Variants in PDS5B observed in about 807,000 individuals in gnomAD.
The protein encoded by PDS5B is PDS5 cohesin associated factor B.
In PDS5B, 51 loss-of-function variants were observed where a neutral mutation model predicts 184.1. The ratio of observed to expected loss-of-function variants is 0.28; its 90% CI spans 0.22 to 0.35. The LOEUF (loss-of-function observed/expected upper bound fraction) is 0.35. Ranked by LOEUF, PDS5B falls within the 10% of genes least tolerant of loss-of-function variation. The pLI, the probability that PDS5B is intolerant of heterozygous loss-of-function variation, is 1.00. For missense variants in PDS5B, 1,180 were observed against 1,723.3 expected (o/e 0.68, Z 5.58); for synonymous variants, 566 against 569.2 (o/e 0.99, Z 0.08).
rs759634308 is a variant in PDS5B at position 32,678,963 on chromosome 13, G to A, written c.1057+34G>A. 3.4e-5 allele frequency: 38 copies of A among 1,114,788 alleles called. No individual in the cohort carries two copies. The Admixed American group carries it at 4.2e-4, about 12-fold the overall frequency. 69.1% of individuals were successfully genotyped at this position (1,114,788 alleles called of 1,614,324 possible). A position where few individuals can be genotyped will look rare whatever the true frequency, so the allele number is the denominator to read the frequency against. ...TATATGTAACAGCAAATATTCTTAC[G>A]TGCTCTTCAGTGGAAAAAAATAAGT... On this transcript the variant is annotated intron_variant, in intron 10 of 34. Transcript: ENST00000315596.
At chr13:32,621,568 C>T (rs1173461988) in intron 1 of PDS5B, among the ~76,000 whole-genome samples, 1 of 152,218 alleles carries the variant, frequency 6.6e-6, no homozygotes, top group African/African-American at 2.4e-5. Context: ...AACAGCTCAT[C>T]AAGCCTGATG....
At chr13:32,710,831 A>G (rs1952180573) in intron 19 of PDS5B, among the ~76,000 whole-genome samples, 1 of 152,160 alleles carries the variant, frequency 6.6e-6, no homozygotes, top group Admixed American at 6.5e-5. Flanking sequence ...TTTTATATGG[A>G]GAAGAATTGC....
rs78517849 is a variant in PDS5B, at chr13:32,673,693, C to A, written c.846+337C>A. The stretch of plus-strand genomic sequence containing the variant: ...CAGTTTATAGTAGTTCCTTTGACCA[C>A]TGAGGCCATAAAAATAGTTTAGAGT... On this transcript the variant is annotated intron_variant, in intron 8 of 34. Coordinates refer to ENST00000315596, the MANE Select transcript of PDS5B (RefSeq NM_015032.4). 7.3e-3 allele frequency among the ~76,000 whole-genome samples: 1,105 copies of A among 152,286 alleles called. 11 individuals are homozygous for A. Among genetic ancestry groups the A allele is most frequent in the African/African-American group, 0.025 (1,058 of 41,564 alleles).
chr13:32,623,689 TC>T (rs1390236120), intron 1 of PDS5B, among the ~76,000 whole-genome samples: 1 of 152,134 alleles, frequency 6.6e-6, no homozygotes, highest in Non-Finnish European at 1.5e-5. Context: ...GCCCTATTTT[TC>T]CCTTTTCTTT....
rs1327531112 is a variant in PDS5B, at chr13:32,673,327, G to C, written c.817G>C (p.Val273Leu). Residue 273 changes from valine to leucine, a missense_variant, in exon 8 of 35, where the codon GTT becomes CTT. By Grantham distance (32) the Val-to-Leu change is conservative (BLOSUM62 1). Around this residue, in one of 11 missense-constraint regions of PDS5B, gnomAD observed 4 missense variants for 29.5 expected, o/e 0.14. Transcript: ENST00000315596. ...TATTGATAGTCATTTGCTGCTCTCT[G>C]TTTTACCCCAGCTTGAATTTAAATT... ...YNIDSHLLLS[V>L]LPQLEFKLKS... 2 of 1,611,782 alleles carry C rather than the reference G, an allele frequency of 1.2e-6. No homozygotes were observed.
At chr13:32,761,257 T>C (rs1407600688) in intron 30 of PDS5B, among the ~76,000 whole-genome samples, 5 of 152,240 alleles carry the variant, frequency 3.3e-5, no homozygotes, top group Admixed American at 3.3e-4. Context: ...GGTTATTTTA[T>C]ACTTTTTGGT....
In PDS5B at chr13:32,699,723, T is replaced by C. The variant is rs1428295183; in HGVS notation, c.1601-7T>C. 2 of 1,458,076 alleles carry C rather than the reference T, an allele frequency of 1.4e-6. No homozygotes were observed. The highest frequency in any genetic ancestry group is 1.8e-6 in the Non-Finnish European group (2 of 1,103,278). 90.3% of individuals were successfully genotyped at this position (1,458,076 alleles called of 1,614,324 possible). On this transcript the variant is annotated splice_region_variant and splice_polypyrimidine_tract_variant and intron_variant, in intron 15 of 34. Transcript: ENST00000315596. ...TTGATTTTAATTGAACTTTAATTTATTTTAAGGAAATTTACCTGATCCTGG... is the reference window on the plus strand; with the variant it reads ...TTGATTTTAATTGAACTTTAATTTACTTTAAGGAAATTTACCTGATCCTGG...
intron 1 of PDS5B, among the ~76,000 whole-genome samples, chr13:32,647,981 G>A (rs1002978693): frequency 1.3e-5 from 2 of 152,294 alleles, no homozygotes; most frequent in South Asian, 4.1e-4. Flanking sequence ...TATTAACCAG[G>A]GGTCTGTGAG....
intron 9 of PDS5B, among the ~76,000 whole-genome samples, chr13:32,676,932 CAAAAAAAAAAAA>C (rs4057303): frequency 4.1e-4 from 32 of 78,822 alleles, no homozygotes; most frequent in African/African-American, 1.5e-3. Flanking sequence ...CTCTTGTCTC[CAAAAAAAAAAAA>C]AAAAAAAAAA....
At chr13:32,604,626 T>G (rs1333793326) in intron 1 of PDS5B, among the ~76,000 whole-genome samples, 1 of 151,850 alleles carries the variant, frequency 6.6e-6, no homozygotes, top group East Asian at 1.9e-4. Context: ...TTCTGTTGAT[T>G]GGAATAGTTT....
intron 33 of PDS5B, among the ~76,000 whole-genome samples, chr13:32,772,354 C>A (rs1018382447): frequency 6.6e-6 from 1 of 152,118 alleles, no homozygotes; most frequent in African/African-American, 2.4e-5. Flanking sequence ...ACAAAACAGA[C>A]GTGGTACTTG....
rs183027947 is a variant in PDS5B at position 32,661,163 on chromosome 13, C to T, written c.624+1883C>T. 6.4e-3 allele frequency among the ~76,000 whole-genome samples: 969 copies of T among 151,996 alleles called. 4 individuals are homozygous for T. The highest frequency in any genetic ancestry group is 0.017 in the Middle Eastern group (5 of 294). On this transcript the variant is annotated intron_variant, in intron 6 of 34. Coordinates refer to ENST00000315596, the MANE Select transcript of PDS5B (RefSeq NM_015032.4). ...CTTTGGGAAACCAAGGTGGGTGGATCACCTGAGGCCAGGAGTTCAAGACCA... is the reference window on the plus strand; with the variant it reads ...CTTTGGGAAACCAAGGTGGGTGGATTACCTGAGGCCAGGAGTTCAAGACCA...
At chr13:32,756,707 G>A (rs1327584383) in intron 26 of PDS5B, among the ~76,000 whole-genome samples, 1 of 152,116 alleles carries the variant, frequency 6.6e-6, no homozygotes, top group Non-Finnish European at 1.5e-5. Flanking sequence ...ATTTTTAGAA[G>A]TATTTTATAG....
intron 10 of PDS5B, 71 bp from the exon 11 acceptor site, chr13:32,683,807 G>T: frequency 1.0e-6 from 1 of 983,264 alleles, no homozygotes; most frequent in Non-Finnish European, 1.5e-6. Flanking sequence ...TTATTTTCAA[G>T]GGTATCATGC....
intron 1 of PDS5B, among the ~76,000 whole-genome samples, chr13:32,636,382 T>C (rs1013897735): frequency 3.3e-5 from 5 of 152,348 alleles, no homozygotes; most frequent in Admixed American, 2.0e-4. Context: ...ATTAGCACTA[T>C]ATTGTAGTGT....
At chr13:32,687,098 C>T (rs780993095) in intron 11 of PDS5B, 36 bp from the exon 12 acceptor site, 14 of 1,523,750 alleles carry the variant, frequency 9.2e-6, no homozygotes, top group Non-Finnish European at 1.2e-5. Flanking sequence ...TAATGGAAGC[C>T]TTTTTACATT....
intron 6 of PDS5B, among the ~76,000 whole-genome samples, chr13:32,661,980 A>G (rs1280563644): frequency 6.6e-6 from 1 of 152,194 alleles, no homozygotes; most frequent in Non-Finnish European, 1.5e-5. Context: ...AATTTTAAGG[A>G]TTATAATAAA....
intron 22 of PDS5B, 99 bp downstream of exon 22, chr13:32,741,247 C>A: frequency 1.5e-6 from 1 of 672,666 alleles, no homozygotes; most frequent in Non-Finnish European, 2.6e-6. Flanking sequence ...ATATTAAAGT[C>A]ACTCAAGTAT....
intron 1 of PDS5B, among the ~76,000 whole-genome samples, chr13:32,631,118 CTT>C (rs1344354114): frequency 1.1e-4 from 10 of 87,386 alleles, no homozygotes; most frequent in Non-Finnish European, 2.1e-4. Flanking sequence ...TTTTTTCTTT[CTT>C]TTTTTTTTTT....
Sources: gnomAD v4.1 joint callset for allele counts (sites outside exome capture counted in the v4.1 genomes callset) on GRCh38, gnomAD v4.1.1 for gene constraint, gnomAD v4.1.1 regional missense constraint, MANE v1.5 for transcripts, NCBI Gene and HGNC (gene_info 2026-07-23, HGNC 2026-07-21) for gene names.